CD4: variants seen among roughly 807,000 people sequenced by gnomAD.
The protein encoded by CD4 is CD4 molecule.
A neutral mutation model predicts 50.5 loss-of-function variants in CD4; 25 were observed. The observed-to-expected ratio is 0.49, with a 90% CI of 0.36 to 0.69. The LOEUF is 0.69. Among genes scored for constraint, CD4 ranks in the 30% least tolerant of loss-of-function variants. CD4 has a pLI of 0.00. For synonymous variants in CD4, 207 were observed against 221.9 expected (o/e 0.93, Z 0.60); for missense variants, 456 against 548.5 (o/e 0.83, Z 1.68).
chr12:6,813,903 A>G (rs1209828122), intron 3 of CD4, among the ~76,000 whole-genome samples: 1 of 152,218 alleles, frequency 6.6e-6, no homozygotes, highest in Non-Finnish European at 1.5e-5. Flanking sequence ...TTTGGCATGT[A>G]GGAGTTGGTG....
intron 3 of CD4, among the ~76,000 whole-genome samples, chr12:6,809,371 T>C (rs782185725): frequency 6.6e-6 from 1 of 152,082 alleles, no homozygotes; most frequent in South Asian, 2.1e-4. Flanking sequence ...TGGCACATGC[T>C]TGTAGTCCCA....
chr12:6,816,998 C>T lies in CD4; in HGVS notation c.956-132C>T, dbSNP rs1453328777. On this transcript the variant is annotated intron_variant, in intron 6 of 9. Transcript: ENST00000011653. This position sits in a 1 kb window ranked among gnomAD's most constrained non-coding sequence, Gnocchi z 4.9. The stretch of plus-strand genomic sequence containing the variant: ...AAATCCAATACCACTGGACCCCAAA[C>T]GCTGTTTTTCCTCGTAGGACTGCAT... 2.9e-5 allele frequency: 20 copies of T among 689,544 alleles called. No homozygotes were observed. Among genetic ancestry groups the T allele is most frequent in the Non-Finnish European group, 4.7e-5 (19 of 406,372 alleles). The allele number at this position is 689,544 out of a possible 1,614,324, so 42.7% of individuals were successfully genotyped here.
rs1555114958 is a variant in CD4 at position 6,800,134 on chromosome 12, C to G, written c.-5C>G. 4 of 1,613,872 alleles carry G rather than the reference C, an allele frequency of 2.5e-6. No individual in the cohort carries two copies. The Admixed American group carries it at 6.7e-5, about 27-fold the overall frequency. On this transcript the variant is annotated 5_prime_UTR_variant, in exon 2 of 10. Coordinates refer to ENST00000011653, the MANE Select transcript of CD4 (RefSeq NM_000616.5). The stretch of plus-strand genomic sequence containing the variant: ...CAGGCCCCTGCCTCCCTCGGCAAGG[C>G]CACAATGAACCGGGGAGTCCCTTTT...
At chr12:6,808,450 C>CA (rs3032789) in intron 3 of CD4, among the ~76,000 whole-genome samples, 1,351 of 37,610 alleles carry the variant, frequency 0.036, 278 homozygotes, top group Non-Finnish European at 0.062. Flanking sequence ...GATTCTGTCT[C>CA]AAAAAAAAAA....
rs782352347 is a variant in CD4 at position 6,819,817 on chromosome 12, C to T, written c.*488C>T. The T allele has an allele frequency of 6.0e-6, 1 of 167,916 alleles. No individual in the cohort carries two copies. Among genetic ancestry groups the T allele is most frequent in the South Asian group, 1.6e-4 (1 of 6,364 alleles). 10.4% of individuals were successfully genotyped at this position (167,916 alleles called of 1,614,324 possible). On this transcript the variant is annotated 3_prime_UTR_variant, in exon 10 of 10. Transcript: ENST00000011653. ...GTTTCTGGCAGCCAGTACCTCCTGC[C>T]CCATGCTGCCCGCTTCTCACCCTAT...
In CD4 at chr12:6,818,393, G is replaced by T. The variant is rs781840913; in HGVS notation, c.1157-28G>T. 2 of 1,610,550 alleles carry T rather than the reference G, an allele frequency of 1.2e-6. No homozygotes were observed. Among genetic ancestry groups the T allele is most frequent in the Non-Finnish European group, 1.7e-6 (2 of 1,179,858 alleles). On this transcript the variant is annotated intron_variant, in intron 7 of 9. Coordinates refer to ENST00000011653, the MANE Select transcript of CD4 (RefSeq NM_000616.5). This position sits in a 1 kb window ranked among gnomAD's most constrained non-coding sequence, Gnocchi z 5.0. ...CCCCTGGCCCGTGGAGGAGGGCGGT[G>T]CATTGAGCACATTTCTCTCCCTTGC...
rs1055354213 is a variant in CD4 at position 6,805,767 on chromosome 12, C to G, written c.214+5296C>G. Among the ~76,000 whole-genome samples, 3 of 151,838 alleles carry G rather than the reference C, an allele frequency of 2.0e-5. No homozygotes were observed. In the East Asian group the frequency reaches 5.8e-4, roughly 29 times the overall value. On this transcript the variant is annotated intron_variant, in intron 3 of 9. Coordinates refer to ENST00000011653, the MANE Select transcript of CD4 (RefSeq NM_000616.5). Reference sequence around the variant, plus strand: ...AATCCAATTCCTATAAAAATACCAGCAAGATTTTTTGTAGATATAAACAAG... The same window carrying G: ...AATCCAATTCCTATAAAAATACCAGGAAGATTTTTTGTAGATATAAACAAG...
chr12:6,819,189 G>A, intron 9 of CD4, 110 bp from the exon 10 acceptor site: 15 of 1,118,664 alleles, frequency 1.3e-5, no homozygotes, highest in East Asian at 2.3e-5. Flanking sequence ...GAAAGGCCCT[G>A]CTGGAAAGCC....
intron 1 of CD4, among the ~76,000 whole-genome samples, chr12:6,794,824 G>A (rs1265159469): frequency 3.5e-5 from 4 of 112,842 alleles, no homozygotes; most frequent in East Asian, 5.7e-4. Flanking sequence ...TTGCTCTGTC[G>A]CCGAGGCTGG....
intron 1 of CD4, among the ~76,000 whole-genome samples, chr12:6,791,277 C>G (rs1045604359): frequency 1.1e-4 from 16 of 152,226 alleles, no homozygotes; most frequent in Admixed American, 5.9e-4. Context: ...GAGTCTCGCT[C>G]TCTTGCCCAG....
chr12:6,813,506 T>C (rs1942999193), intron 3 of CD4: 1 of 152,246 alleles, frequency 6.6e-6, no homozygotes, highest in Non-Finnish European at 1.5e-5. Flanking sequence ...CATCTCGCTT[T>C]ATTCAGTTAG....
chr12:6,804,627 C>T (rs959599376), intron 3 of CD4, among the ~76,000 whole-genome samples: 1 of 152,188 alleles, frequency 6.6e-6, no homozygotes, highest in African/African-American at 2.4e-5. Context: ...AATTCCTGCA[C>T]TTTGGGAGGC....
At chr12:6,790,175 A>C (rs2137822061) in intron 1 of CD4, among the ~76,000 whole-genome samples, 1 of 149,440 alleles carries the variant, frequency 6.7e-6, no homozygotes, top group South Asian at 2.2e-4. Flanking sequence ...AAGAAGTGGA[A>C]TCTAGTCTAG....
intron 5 of CD4, chr12:6,815,585 G>A: frequency 3.4e-6 from 2 of 582,324 alleles, no homozygotes; most frequent in South Asian, 1.5e-5. Flanking sequence ...TCTGCACCTT[G>A]GTTTCAGCCT....
At chr12:6,817,055 C>T in intron 6 of CD4, 75 bp from the exon 7 acceptor site, 5 of 1,284,906 alleles carry the variant, frequency 3.9e-6, no homozygotes, top group Non-Finnish European at 5.6e-6. Flanking sequence ...AAAAGAAGGT[C>T]ACCCATATAG....
intron 1 of CD4, among the ~76,000 whole-genome samples, chr12:6,796,543 G>T (rs779555211): frequency 3.3e-5 from 5 of 152,078 alleles, no homozygotes; most frequent in Non-Finnish European, 7.4e-5. Context: ...GTGCTATCTT[G>T]GTGCCTTTCC....
chr12:6,795,098 C>CTATCTA (rs1555114243), intron 1 of CD4, among the ~76,000 whole-genome samples: 6 of 147,104 alleles, frequency 4.1e-5, no homozygotes, highest in African/African-American at 1.5e-4. Context: ...AAATGTCTGT[C>CTATCTA]TCTATCTATC....
chr12:6,803,602 G>A (rs1555115714), intron 3 of CD4, among the ~76,000 whole-genome samples: 1 of 150,130 alleles, frequency 6.7e-6, no homozygotes, highest in Non-Finnish European at 1.5e-5. Context: ...GGCTAACACG[G>A]TGAAACCCCG....
intron 1 of CD4, among the ~76,000 whole-genome samples, chr12:6,797,897 TGCCTTCCTCTTATCTCAACCGAATAGAG>T (rs1942418912): frequency 6.6e-6 from 1 of 152,194 alleles, no homozygotes. Context: ...AGGAGACAGA[TGCCTTCCTCTTATCTCAACCGAATAGAG>T]GCCTTCCTCC....
Sources: gnomAD v4.1 joint callset for allele counts (sites outside exome capture counted in the v4.1 genomes callset) on GRCh38, gnomAD v4.1.1 for gene constraint, Gnocchi (gnomAD v3.1) non-coding constraint, MANE v1.5 for transcripts, NCBI Gene and HGNC (gene_info 2026-07-23, HGNC 2026-07-21) for gene names.